Variants in CBX5 observed in about 807,000 individuals in gnomAD.
CBX5 encodes the protein chromobox protein homolog 5.
CBX5 carries 7 observed loss-of-function variants against 20.7 expected under a neutral mutation model. That is an observed-to-expected ratio of 0.34 (90% CI 0.19 to 0.63). CBX5 has a LOEUF of 0.63. CBX5 is among the 30% of genes least tolerant of loss of function. The pLI is 0.75. For missense variants in CBX5, 110 were observed against 224.1 expected (o/e 0.49, Z 3.25); for synonymous variants, 78 against 77.0 (o/e 1.01, Z -0.07).
intron 4 of CBX5, among the ~76,000 whole-genome samples, chr12:54,245,895 T>C (rs889122087): frequency 1.3e-5 from 2 of 152,064 alleles, no homozygotes; most frequent in Non-Finnish European, 2.9e-5. Context: ...GGAGAATCAC[T>C]TGAACCCAGG....
chr12:54,249,311 A>G (rs896333180), intron 3 of CBX5, among the ~76,000 whole-genome samples: 1 of 151,804 alleles, frequency 6.6e-6, no homozygotes, highest in Non-Finnish European at 1.5e-5. Flanking sequence ...CAGAGGTTGC[A>G]GTGAGATTGT....
At chr12:54,248,993 G>C (rs914751638) in intron 3 of CBX5, among the ~76,000 whole-genome samples, 24 of 152,086 alleles carry the variant, frequency 1.6e-4, no homozygotes, top group African/African-American at 5.6e-4. Flanking sequence ...TTTCAAGGTC[G>C]GCAGCTTCAG....
At chr12:54,245,558 G>A (rs1243182089) in intron 4 of CBX5, among the ~76,000 whole-genome samples, 2 of 151,788 alleles carry the variant, frequency 1.3e-5, no homozygotes, top group African/African-American at 2.4e-5. Context: ...TTGGGAGGCC[G>A]AGGCAGGCGG....
chr12:54,258,705 T>C (rs368765572), intron 1 of CBX5, among the ~76,000 whole-genome samples: 2 of 152,244 alleles, frequency 1.3e-5, no homozygotes. Context: ...TTTTTAAGAA[T>C]TCTTCCTTAA....
chr12:54,250,343 G>A (rs546461785), intron 3 of CBX5, among the ~76,000 whole-genome samples: 1 of 152,272 alleles, frequency 6.6e-6, no homozygotes, highest in South Asian at 2.1e-4. Context: ...CCCAGGAGGT[G>A]AGGGTGCAGT....
intron 1 of CBX5, among the ~76,000 whole-genome samples, chr12:54,266,066 C>T (rs1286196723): frequency 2.8e-5 from 4 of 144,756 alleles, no homozygotes; most frequent in African/African-American, 7.7e-5. Context: ...AAAAACCAGG[C>T]GAAACCTCCT....
chr12:54,264,668 C>T (rs767067736), intron 1 of CBX5, among the ~76,000 whole-genome samples: 38 of 152,014 alleles, frequency 2.5e-4, no homozygotes, highest in Non-Finnish European at 4.7e-4. Context: ...CATGGCGAAA[C>T]CCCATCTCTA....
In CBX5 at chr12:54,235,685, A is replaced by C. The variant is rs567941451; in HGVS notation, c.*6070T>G. 1 of 152,356 alleles carries C rather than the reference A, an allele frequency of 6.6e-6. No individual in the cohort carries two copies. Among genetic ancestry groups the C allele is most frequent in the Non-Finnish European group, 1.5e-5 (1 of 68,032 alleles). 9.4% of individuals were successfully genotyped at this position (152,356 alleles called of 1,614,324 possible). On this transcript the variant is annotated 3_prime_UTR_variant, in exon 5 of 5. Coordinates refer to ENST00000209875, the MANE Select transcript of CBX5 (RefSeq NM_012117.3). ...TGCTCAGAGTAGATGCTCAGGTATT[A>C]ACAGATGTGCTCCAAGACTTCTCTT...
chr12:54,252,340 C>G (rs1943814775), intron 2 of CBX5, 113 bp from the exon 3 acceptor site: 1 of 633,184 alleles, frequency 1.6e-6, no homozygotes, highest in Non-Finnish European at 2.5e-6. Flanking sequence ...CAGAGAAACC[C>G]TATGCTTTAA....
Position 54,252,211 on chromosome 12 carries a change from C to A in CBX5, c.154G>T (p.Glu52Ter). Residue 52 changes from glutamate (E) to a stop codon, truncating the protein, a stop_gained, in exon 3 of 5, where the codon GAA becomes TAA. Transcript: ENST00000209875. LOFTEE classifies it high-confidence loss of function. Reference protein sequence around the residue: ...KGFSEEHNTWEPEKNLDCPEL... With the variant: ...KGFSEEHNTW ...GGGCAATCCAAGTTTTTCTCAGGTT[C>A]CCAAGTATTGTGCTCCCTGGGTAAG... is the stretch of plus-strand genomic sequence containing the variant. 6.2e-7 allele frequency: 1 copy of A among 1,600,688 alleles called. No individual in the cohort carries two copies. Among genetic ancestry groups the A allele is most frequent in the East Asian group, 2.3e-5 (1 of 44,104 alleles).
rs938013974 is a variant in CBX5 at position 54,236,987 on chromosome 12, G to T, written c.*4768C>A. The T allele has an allele frequency of 6.6e-6, 1 of 152,176 alleles. No homozygotes were observed. Among genetic ancestry groups the T allele is most frequent in the African/African-American group, 2.4e-5 (1 of 41,420 alleles). 9.4% of individuals were successfully genotyped at this position (152,176 alleles called of 1,614,324 possible). On this transcript the variant is annotated 3_prime_UTR_variant, in exon 5 of 5. Transcript: ENST00000209875. ...CTACAGAACAGGAATGAAGAGTTAA[G>T]AATAATAAATGCCTAAGTTACAGGG...
At chr12:54,247,805 C>T (rs1398217904) in intron 3 of CBX5, among the ~76,000 whole-genome samples, 3 of 151,266 alleles carry the variant, frequency 2.0e-5, no homozygotes, top group African/African-American at 7.3e-5. Flanking sequence ...TCCTGAGTAG[C>T]TGGGATTATA....
At chr12:54,261,899 C>G (rs1943918258) in intron 1 of CBX5, among the ~76,000 whole-genome samples, 1 of 152,030 alleles carries the variant, frequency 6.6e-6, no homozygotes, top group Non-Finnish European at 1.5e-5. Flanking sequence ...TATTAAGTCC[C>G]CCAAAAAGAA....
Position 54,234,546 on chromosome 12 carries a change from T to C in CBX5, c.*7209A>G, listed in dbSNP as rs1943600725. 1 of 152,240 alleles carries C rather than the reference T, an allele frequency of 6.6e-6. No homozygotes were observed. The highest frequency in any genetic ancestry group is 6.5e-5 in the Admixed American group (1 of 15,278). 9.4% of individuals were successfully genotyped at this position (152,240 alleles called of 1,614,324 possible). A position where few individuals can be genotyped will look rare whatever the true frequency, so the allele number is the denominator to read the frequency against. Reference sequence around the variant, plus strand: ...TAATTTCTTGATAATAGTTTCCTATTAGATTTTCCGATTAATACTGATGGC... The same window carrying C: ...TAATTTCTTGATAATAGTTTCCTATCAGATTTTCCGATTAATACTGATGGC... On this transcript the variant is annotated 3_prime_UTR_variant, in exon 5 of 5. Transcript: ENST00000209875.
At chr12:54,270,229 A>C (rs1943996931) in intron 1 of CBX5, among the ~76,000 whole-genome samples, 1 of 152,160 alleles carries the variant, frequency 6.6e-6, no homozygotes, top group Non-Finnish European at 1.5e-5. Context: ...TTGTTGTTAA[A>C]GTACTTAATG....
intron 4 of CBX5, 45 bp from the exon 5 acceptor site, chr12:54,241,950 A>G (rs12809801): frequency 0.034 from 53,028 of 1,580,868 alleles, 1,066 homozygotes; most frequent in Non-Finnish European, 0.04. Context: ...GAAGAGTGAA[A>G]GAATCTGTCC....
Position 54,257,511 on chromosome 12 carries a change from T to C in CBX5, c.137+3A>G. 1 of 1,614,120 alleles carries C rather than the reference T, an allele frequency of 6.2e-7. No individual in the cohort carries two copies. Among genetic ancestry groups the C allele is most frequent in the Non-Finnish European group, 8.5e-7 (1 of 1,180,010 alleles). On this transcript the variant is annotated splice_donor_region_variant and intron_variant, in intron 2 of 4. Transcript: ENST00000209875. Reference sequence around the variant, plus strand: ...CAACGCCTGGGGGAAAAAAGGAACTTACTCAGAAAAGCCTTTCCACTTCAG... The same window carrying C: ...CAACGCCTGGGGGAAAAAAGGAACTCACTCAGAAAAGCCTTTCCACTTCAG...
intron 4 of CBX5, among the ~76,000 whole-genome samples, chr12:54,244,113 T>A (rs945113029): frequency 4.0e-5 from 6 of 151,280 alleles, no homozygotes; most frequent in Non-Finnish European, 8.8e-5. Context: ...ACCATTCTCC[T>A]GCCTCAGCCT....
At chr12:54,266,450 G>A (rs1193757645) in intron 1 of CBX5, among the ~76,000 whole-genome samples, 1 of 152,032 alleles carries the variant, frequency 6.6e-6, no homozygotes, top group Non-Finnish European at 1.5e-5. Context: ...TTGGCTGGGT[G>A]CCATGGCTTA....
Sources: gnomAD v4.1 joint callset for allele counts (sites outside exome capture counted in the v4.1 genomes callset) on GRCh38, gnomAD v4.1.1 for gene constraint, MANE v1.5 for transcripts, NCBI Gene and HGNC (gene_info 2026-07-23, HGNC 2026-07-21) for gene names.